Variants in SH3BGRL2 observed in about 807,000 individuals in gnomAD.
The protein encoded by SH3BGRL2 is SH3 domain-binding glutamic acid-rich-like protein 2.
Under a neutral mutation model 14.8 loss-of-function variants are expected in SH3BGRL2, and 21 were observed. The ratio of observed to expected loss-of-function variants is 1.42; its 90% CI spans 1.01 to 2.05. The LOEUF (loss-of-function observed/expected upper bound fraction) is 2.05, where lower values mean the gene tolerates loss of function less well. Ranked by LOEUF, SH3BGRL2 falls within the 30% of genes most tolerant of loss-of-function variation. The probability of loss-of-function intolerance (pLI) is 0.00; values close to 1 mark genes in which losing one functional copy is unlikely to be tolerated. For missense variants in SH3BGRL2, 147 were observed against 130.8 expected (o/e 1.12, Z -0.61); for synonymous variants, 50 against 47.8 (o/e 1.05, Z -0.19).
At chr6:79,604,145 C>A in the SH3BGRL2 span, among the ~76,000 whole-genome samples, 1 of 152,154 alleles carries the variant, frequency 6.6e-6, no homozygotes, top group Non-Finnish European at 1.5e-5. Flanking sequence ...CTGTTAGGGT[C>A]CCCTGAAAGC....
At chr6:79,658,147 T>C (rs1338057808) in intron 1 of SH3BGRL2, among the ~76,000 whole-genome samples, 1 of 152,162 alleles carries the variant, frequency 6.6e-6, no homozygotes, top group Non-Finnish European at 1.5e-5. Flanking sequence ...TGGATTTATT[T>C]TATTTATTTT....
At chr6:79,647,281 T>C (rs558346700) in intron 1 of SH3BGRL2, among the ~76,000 whole-genome samples, 1 of 152,290 alleles carries the variant, frequency 6.6e-6, no homozygotes, top group Admixed American at 6.5e-5. Context: ...TGCATTTTCC[T>C]AATGACTAAT....
the SH3BGRL2 span, among the ~76,000 whole-genome samples, chr6:79,553,519 A>T: frequency 6.6e-6 from 1 of 152,202 alleles, no homozygotes; most frequent in Non-Finnish European, 1.5e-5. Flanking sequence ...ACTTGCATGA[A>T]CAAGTAAATG....
chr6:79,569,754 A>G, the SH3BGRL2 span, among the ~76,000 whole-genome samples: 2 of 152,212 alleles, frequency 1.3e-5, no homozygotes, highest in African/African-American at 4.8e-5. Flanking sequence ...ATTAAGCTAA[A>G]TAACCTTCTT....
chr6:79,667,689 T>G (rs985712704), intron 1 of SH3BGRL2, among the ~76,000 whole-genome samples: 1 of 152,068 alleles, frequency 6.6e-6, no homozygotes, highest in Non-Finnish European at 1.5e-5. Flanking sequence ...TCAGGTGATC[T>G]GTCCACCTCA....
Position 79,701,371 on chromosome 6 carries a change from A to C in SH3BGRL2, c.*1862A>C, listed in dbSNP as rs910012833. 3 of 152,206 alleles carry C rather than the reference A, an allele frequency of 2.0e-5. No homozygotes were observed. Among genetic ancestry groups the C allele is most frequent in the African/African-American group, 7.2e-5 (3 of 41,456 alleles). 9.4% of individuals were successfully genotyped at this position (152,206 alleles called of 1,614,324 possible). On this transcript the variant is annotated 3_prime_UTR_variant, in exon 4 of 4. Coordinates refer to ENST00000369838, the MANE Select transcript of SH3BGRL2 (RefSeq NM_031469.4). ...GTAATTCATTACTCAGCTAACATTT[A>C]GTCTACTCTTGCTAGTGAGTGCCAA...
chr6:79,679,896 A>G (rs74935522), intron 2 of SH3BGRL2, among the ~76,000 whole-genome samples: 6,821 of 152,210 alleles, frequency 0.045, 514 homozygotes, highest in African/African-American at 0.16. Flanking sequence ...AGACGTATCT[A>G]TTCAGGTTCT....
the SH3BGRL2 span, among the ~76,000 whole-genome samples, chr6:79,538,187 C>T: frequency 1.3e-5 from 2 of 151,862 alleles, no homozygotes; most frequent in African/African-American, 4.8e-5. Flanking sequence ...CTTTAAACTG[C>T]TCCGAGCCAT....
At chr6:79,684,959 G>T (rs531194091) in intron 2 of SH3BGRL2, among the ~76,000 whole-genome samples, 2 of 152,292 alleles carry the variant, frequency 1.3e-5, no homozygotes, top group Non-Finnish European at 1.5e-5. Context: ...GAGAGGGTGT[G>T]ATACAAATTC....
chr6:79,695,468 G>C (rs1202641081), intron 2 of SH3BGRL2, among the ~76,000 whole-genome samples: 12 of 152,282 alleles, frequency 7.9e-5, no homozygotes. Flanking sequence ...GCTTAACAAT[G>C]GATTCATTAG....
At chr6:79,667,699 A>C (rs1441300294) in intron 1 of SH3BGRL2, among the ~76,000 whole-genome samples, 1 of 152,120 alleles carries the variant, frequency 6.6e-6, no homozygotes, top group Admixed American at 6.6e-5. Context: ...TGTCCACCTC[A>C]GCCTCCCAAA....
chr6:79,631,569 G>C, intron 1 of SH3BGRL2, 63 bp downstream of exon 1: 6 of 1,296,630 alleles, frequency 4.6e-6, no homozygotes, highest in Non-Finnish European at 6.0e-6. Context: ...CGGGAGGCGC[G>C]CGGCGCTCGT....
chr6:79,614,658 T>C, the SH3BGRL2 span, among the ~76,000 whole-genome samples: 1 of 152,144 alleles, frequency 6.6e-6, no homozygotes, highest in Non-Finnish European at 1.5e-5. Context: ...TCCTCCCAAA[T>C]TCCTATGTTG....
chr6:79,696,470 T>C lies in SH3BGRL2; in HGVS notation c.232-15T>C. On this transcript the variant is annotated splice_polypyrimidine_tract_variant and intron_variant, in intron 2 of 3. Coordinates refer to ENST00000369838, the MANE Select transcript of SH3BGRL2 (RefSeq NM_031469.4). ...TGCTTTTGTTGGTTTATTTTCTGCT[T>C]CCCTTTTTTTCTAGGATTATGACAG... is the stretch of plus-strand genomic sequence containing the variant. 1 of 1,550,704 alleles carries C rather than the reference T, an allele frequency of 6.4e-7. No homozygotes were observed. Among genetic ancestry groups the C allele is most frequent in the Non-Finnish European group, 8.7e-7 (1 of 1,150,896 alleles).
chr6:79,593,644 A>G, the SH3BGRL2 span, among the ~76,000 whole-genome samples: 564 of 152,334 alleles, frequency 3.7e-3, 7 homozygotes, highest in Middle Eastern at 0.017. Flanking sequence ...TACATTGCAT[A>G]TTAGAAAATA....
chr6:79,640,712 A>G (rs1312158629), intron 1 of SH3BGRL2, among the ~76,000 whole-genome samples: 3 of 151,994 alleles, frequency 2.0e-5, no homozygotes, highest in Non-Finnish European at 4.4e-5. Flanking sequence ...GCCCTCTGCC[A>G]GCATTGCTTC....
chr6:79,653,456 C>T (rs1022470708), intron 1 of SH3BGRL2, among the ~76,000 whole-genome samples: 2 of 152,144 alleles, frequency 1.3e-5, no homozygotes, highest in Non-Finnish European at 1.5e-5. Flanking sequence ...TAGAACTTAT[C>T]ATCAAATTAT....
upstream of SH3BGRL2, among the ~76,000 whole-genome samples, chr6:79,627,065 A>G (rs1409299947): frequency 6.6e-6 from 1 of 152,084 alleles, no homozygotes; most frequent in South Asian, 2.1e-4. Flanking sequence ...TTCTCACTAC[A>G]TAGTGACTCT....
At chr6:79,561,365 G>A in the SH3BGRL2 span, 1 of 152,056 alleles carries the variant, frequency 6.6e-6, no homozygotes, top group Non-Finnish European at 1.5e-5. Context: ...GTACGTGTTA[G>A]AGTTGGGAAA....
Sources: gnomAD v4.1 joint callset for allele counts (sites outside exome capture counted in the v4.1 genomes callset) on GRCh38, gnomAD v4.1.1 for gene constraint, MANE v1.5 for transcripts, NCBI Gene and HGNC (gene_info 2026-07-23, HGNC 2026-07-21) for gene names.